Variants in UNC79 observed in about 807,000 individuals in gnomAD.
UNC79 encodes the protein protein unc-79 homolog.
In UNC79, 37 loss-of-function variants were observed where a neutral mutation model predicts 283.1. The ratio of observed to expected loss-of-function variants is 0.13; its 90% CI spans 0.10 to 0.17. The LOEUF (loss-of-function observed/expected upper bound fraction) is 0.17. UNC79 is among the 10% of genes least tolerant of loss of function. The pLI is 1.00. For missense variants in UNC79, 2,272 were observed against 3,211.1 expected, an observed-to-expected ratio of 0.71 and a Z score of 7.07; for synonymous variants, 1,107 against 1,200.2, an observed-to-expected ratio of 0.92 and a Z score of 1.61.
intron 11 of UNC79, 30 bp downstream of exon 11, chr14:93,532,608 C>T: frequency 1.2e-6 from 2 of 1,608,294 alleles, no homozygotes; most frequent in Non-Finnish European, 1.7e-6. Flanking sequence ...GTCGTTGGGG[C>T]ATGATTTATT....
chr14:93,543,537 A>C (rs1055317318), intron 14 of UNC79, among the ~76,000 whole-genome samples: 40 of 151,900 alleles, frequency 2.6e-4, no homozygotes, highest in African/African-American at 9.2e-4. Flanking sequence ...CTAATTAAAA[A>C]AATTTTTTTG....
chr14:93,431,555 G>C (rs531993734), intron 1 of UNC79, among the ~76,000 whole-genome samples: 75 of 152,198 alleles, frequency 4.9e-4, no homozygotes, highest in African/African-American at 1.8e-3. Context: ...GGGAGAGAAG[G>C]GGGAGGGAGC....
chr14:93,522,723 A>G lies in UNC79; in HGVS notation c.899-1255A>G, dbSNP rs187471674. ...GTTGTGCTCTAAAAATATGATCAAA[A>G]TGATACTATCTTATTATAGTAGTGG... On this transcript the variant is annotated intron_variant, in intron 7 of 48. Coordinates refer to ENST00000555664, the Ensembl canonical transcript of UNC79. Among the ~76,000 whole-genome samples the G allele has an allele frequency of 5.9e-3, 893 of 152,244 alleles. 7 individuals carry two copies. The highest frequency in any genetic ancestry group is 0.019 in the African/African-American group (798 of 41,558).
intron 1 of UNC79, among the ~76,000 whole-genome samples, chr14:93,374,100 GA>G (rs1412548847): frequency 3.3e-5 from 5 of 152,130 alleles, no homozygotes; most frequent in African/African-American, 1.2e-4. Flanking sequence ...AGCCCCACTA[GA>G]GCAATGCTGA....
At chr14:93,647,835 G>C (rs1208898662) in intron 35 of UNC79, among the ~76,000 whole-genome samples, 2 of 152,162 alleles carry the variant, frequency 1.3e-5, no homozygotes, top group African/African-American at 2.4e-5. Flanking sequence ...ACATGGCTGG[G>C]GAGGCCTCAC....
exon 7 of UNC79, chr14:93,497,179 A>G (rs1237591259): frequency 1.9e-6 from 3 of 1,613,114 alleles, no homozygotes; most frequent in African/African-American, 1.3e-5. Flanking sequence ...GTGATTGCGT[A>G]TGGGCCTTCA....
chr14:93,623,921 G>A (rs931970217), intron 30 of UNC79, among the ~76,000 whole-genome samples: 2 of 152,068 alleles, frequency 1.3e-5, no homozygotes, highest in Non-Finnish European at 2.9e-5. Flanking sequence ...AAAAGTTAAT[G>A]GGACTTTAGA....
intron 16 of UNC79, among the ~76,000 whole-genome samples, chr14:93,574,817 G>A (rs2063385188): frequency 6.6e-6 from 1 of 151,566 alleles, no homozygotes; most frequent in Non-Finnish European, 1.5e-5. Context: ...AAACTGAGAA[G>A]TGTTAATAGA....
In UNC79 at chr14:93,375,008, CA is replaced by C. The variant is rs142603369; in HGVS notation, c.-351+41486del. Among the ~76,000 whole-genome samples the C allele has an allele frequency of 7.2e-3, 1,099 of 152,146 alleles. 19 individuals are homozygous for C. Among genetic ancestry groups the C allele is most frequent in the African/African-American group, 0.025 (1,055 of 41,510 alleles). On this transcript the variant is annotated intron_variant, in intron 1 of 49. Transcript: ENST00000256339. ...GAAAAGGACATGAGTTTTGGGGGGTCAGGGGTGGAATGCTATGACTTAGATA... is the reference window on the plus strand; with the variant it reads ...GAAAAGGACATGAGTTTTGGGGGGTCGGGGTGGAATGCTATGACTTAGATA...
At position 93,688,970 on chromosome 14, in the gene UNC79, T is replaced by C. The variant is rs1223409369; in HGVS notation, c.7085+130T>C. The C allele has an allele frequency of 9.6e-7, 1 of 1,040,284 alleles. No homozygotes were observed. The highest frequency in any genetic ancestry group is 1.3e-6 in the Non-Finnish European group (1 of 760,542). The allele number at this position is 1,040,284 out of a possible 1,614,324, so 64.4% of individuals were successfully genotyped here. A position where few individuals can be genotyped will look rare whatever the true frequency, so the allele number is the denominator to read the frequency against. ...AGTGGAATATACTTGGTTAGGAAGA[T>C]GGAAATCAGATCCCATCTCCTTACG... On this transcript the variant is annotated intron_variant, in intron 44 of 48. Coordinates refer to ENST00000555664, the Ensembl canonical transcript of UNC79. The surrounding 1 kb of genome is among the most constrained non-coding windows in gnomAD (Gnocchi z 4.0).
Position 93,698,107 on chromosome 14 carries a change from A to T in UNC79, c.7548+3695A>T, listed in dbSNP as rs1462725310. Among the ~76,000 whole-genome samples the T allele has an allele frequency of 1.8e-4, 28 of 152,172 alleles. 1 individual carries two copies. The highest frequency in any genetic ancestry group is 1.8e-3 in the Admixed American group (28 of 15,276). Reference sequence around the variant, plus strand: ...CAGAGAATATACTTTATATAATTTGATTCATTTTAAATTATTGAGACTTGC... The same window carrying T: ...CAGAGAATATACTTTATATAATTTGTTTCATTTTAAATTATTGAGACTTGC... On this transcript the variant is annotated intron_variant, in intron 47 of 48. Transcript: ENST00000555664.
intron 30 of UNC79, among the ~76,000 whole-genome samples, chr14:93,625,100 A>C (rs1205436749): frequency 2.0e-5 from 3 of 152,140 alleles, no homozygotes; most frequent in African/African-American, 7.2e-5. Context: ...ATGGTCCTTC[A>C]TGAGCAAAAT....
intron 13 of UNC79, 30 bp from the exon 14 acceptor site, chr14:93,542,436 C>T (rs368487861): frequency 5.1e-5 from 81 of 1,584,784 alleles, no homozygotes; most frequent in East Asian, 1.1e-4. Context: ...GGATGGAAGC[C>T]GAACAAGGTT....
At chr14:93,610,971 A>G (rs2066261178) in intron 26 of UNC79, among the ~76,000 whole-genome samples, 1 of 152,166 alleles carries the variant, frequency 6.6e-6, no homozygotes, top group Admixed American at 6.5e-5. Flanking sequence ...ATTTTGCCTT[A>G]CAAGGATTTA....
intron 31 of UNC79, chr14:93,634,611 C>A (rs149171722): frequency 6.2e-7 from 1 of 1,613,936 alleles, no homozygotes; most frequent in Admixed American, 1.7e-5. Flanking sequence ...TCTAGCGCCC[C>A]CCATAACATC....
At chr14:93,664,662 A>C (rs1414485933) in intron 40 of UNC79, among the ~76,000 whole-genome samples, 1 of 152,180 alleles carries the variant, frequency 6.6e-6, no homozygotes, top group Non-Finnish European at 1.5e-5. Flanking sequence ...AACTGGGAGA[A>C]AGATTTATAG....
chr14:93,348,085 G>T (rs893750241), intron 1 of UNC79: 4 of 1,612,012 alleles, frequency 2.5e-6, no homozygotes, highest in Non-Finnish European at 3.4e-6. Context: ...AGCTGCATAT[G>T]TGCTAGGCAA....
intron 32 of UNC79, among the ~76,000 whole-genome samples, chr14:93,639,472 G>C (rs1596188458): frequency 6.6e-6 from 1 of 152,276 alleles, no homozygotes; most frequent in East Asian, 1.9e-4. Flanking sequence ...GTACATTTAT[G>C]CTTGTAATTC....
chr14:93,570,294 A>G (rs1024280584), intron 14 of UNC79, among the ~76,000 whole-genome samples: 2 of 152,156 alleles, frequency 1.3e-5, no homozygotes, highest in Non-Finnish European at 2.9e-5. Context: ...CAACTGCCCT[A>G]TTTTGAAATT....
Sources: allele counts gnomAD v4.1 joint callset (sites outside exome capture counted in the v4.1 genomes callset), GRCh38; gene constraint gnomAD v4.1.1; non-coding constraint Gnocchi (gnomAD v3.1); transcripts MANE v1.5; gene names NCBI Gene and HGNC (gene_info 2026-07-23, HGNC 2026-07-21).